The following TBCK variants were observed in gnomAD, a reference collection of about 807,000 sequenced individuals.
The protein encoded by TBCK is TBC1 domain containing kinase.
In TBCK, 99 loss-of-function variants were observed where a neutral mutation model predicts 113.4. The observed-to-expected ratio is 0.87, with a 90% CI of 0.74 to 1.03. The LOEUF is 1.03. Among genes scored for constraint, TBCK ranks in the 50% least tolerant of loss-of-function variants. The pLI is 0.00. For synonymous variants in TBCK, 369 were observed against 370.8 expected (o/e 1.00, Z 0.05); for missense variants, 1,045 against 1,061.3 (o/e 0.98, Z 0.21).
At chr4:106,217,074 A>C (rs1757035776) in intron 19 of TBCK, among the ~76,000 whole-genome samples, 1 of 151,670 alleles carries the variant, frequency 6.6e-6, no homozygotes. Flanking sequence ...TACACAAATC[A>C]ATAAATGTAA....
chr4:106,097,364 G>C (rs1741048220), intron 24 of TBCK, among the ~76,000 whole-genome samples: 1 of 152,030 alleles, frequency 6.6e-6, no homozygotes, highest in Admixed American at 6.6e-5. Context: ...TAATATCTAA[G>C]AACACTCATC....
chr4:106,206,504 T>C (rs1035768866), intron 20 of TBCK, among the ~76,000 whole-genome samples: 20 of 152,118 alleles, frequency 1.3e-4, no homozygotes, highest in Admixed American at 9.2e-4. Flanking sequence ...GTTGGGGACA[T>C]AGCAGCTACC....
rs576099424 is a variant in TBCK at position 106,100,656 on chromosome 4, T to A, written c.2412-5015A>T. Among the ~76,000 whole-genome samples the A allele has an allele frequency of 8.5e-5, 13 of 152,298 alleles. No individual in the cohort carries two copies. The East Asian group carries it at 2.5e-3, about 29-fold the overall frequency. On this transcript the variant is annotated intron_variant, in intron 24 of 25. Coordinates refer to ENST00000394708, the MANE Select transcript of TBCK (RefSeq NM_001163435.3). ...ACCCTCATCCATCCTCTACAATGCA[T>A]TAAAGTAATTTTTCTGAAATAAAAA...
chr4:106,205,030 G>A (rs1755308081), intron 20 of TBCK, among the ~76,000 whole-genome samples: 2 of 151,986 alleles, frequency 1.3e-5, no homozygotes, highest in Admixed American at 6.5e-5. Context: ...CTCCCAAAGT[G>A]CTGGGATTAC....
chr4:106,299,176 A>G (rs1391058971), intron 2 of TBCK, among the ~76,000 whole-genome samples: 2 of 152,176 alleles, frequency 1.3e-5, no homozygotes, highest in African/African-American at 4.8e-5. Flanking sequence ...ACATATAGGC[A>G]TGTAATATAA....
intron 25 of TBCK, among the ~76,000 whole-genome samples, chr4:106,090,571 T>A (rs1040653557): frequency 6.6e-6 from 1 of 152,222 alleles, no homozygotes; most frequent in African/African-American, 2.4e-5. Context: ...TTTCCAAATT[T>A]TTATGCTCTG....
At chr4:106,107,601 A>G (rs1344639246) in intron 24 of TBCK, among the ~76,000 whole-genome samples, 1 of 152,234 alleles carries the variant, frequency 6.6e-6, no homozygotes, top group Non-Finnish European at 1.5e-5. Flanking sequence ...CAAAGATACA[A>G]CATACCAGAA....
intron 19 of TBCK, among the ~76,000 whole-genome samples, chr4:106,226,872 G>C (rs889934272): frequency 7.9e-5 from 12 of 151,878 alleles, no homozygotes; most frequent in African/African-American, 2.9e-4. Flanking sequence ...AGTAAGAATG[G>C]GGCACATCCC....
intron 23 of TBCK, among the ~76,000 whole-genome samples, chr4:106,147,924 G>A (rs985609832): frequency 6.6e-5 from 10 of 152,312 alleles, no homozygotes; most frequent in Admixed American, 5.9e-4. Context: ...TCTCAGCAAG[G>A]AACATCCCTG....
At chr4:106,094,266 T>C (rs963122195) in intron 25 of TBCK, among the ~76,000 whole-genome samples, 30 of 152,320 alleles carry the variant, frequency 2.0e-4, no homozygotes, top group African/African-American at 6.5e-4. Context: ...GTATGGGGTA[T>C]GTGCAGGTGG....
intron 5 of TBCK, chr4:106,255,135 C>A: frequency 5.4e-6 from 1 of 186,162 alleles, no homozygotes; most frequent in South Asian, 7.4e-5. Context: ...AATCTATAAA[C>A]ATGATATCTC....
At chr4:106,051,233 C>T (rs1031622905) in intron 25 of TBCK, among the ~76,000 whole-genome samples, 1 of 151,850 alleles carries the variant, frequency 6.6e-6, no homozygotes, top group Non-Finnish European at 1.5e-5. Flanking sequence ...GGGAATAACT[C>T]ACAGTAGCAG....
chr4:106,126,532 A>G (rs1331248779), intron 23 of TBCK, among the ~76,000 whole-genome samples: 1 of 152,160 alleles, frequency 6.6e-6, no homozygotes, highest in Non-Finnish European at 1.5e-5. Flanking sequence ...GATATTGTCT[A>G]TTTCTCCACT....
At chr4:106,075,900 A>G (rs1212542269) in intron 25 of TBCK, among the ~76,000 whole-genome samples, 2 of 152,236 alleles carry the variant, frequency 1.3e-5, no homozygotes, top group African/African-American at 2.4e-5. Flanking sequence ...GAACACTGTG[A>G]TCTGTGAAAG....
intron 23 of TBCK, among the ~76,000 whole-genome samples, chr4:106,118,100 T>A (rs979927309): frequency 6.6e-6 from 1 of 152,282 alleles, no homozygotes. Flanking sequence ...TTATGTTTCA[T>A]AAGTTATCAA....
At chr4:106,255,435 C>T (rs1204730103) in intron 5 of TBCK, among the ~76,000 whole-genome samples, 1 of 152,212 alleles carries the variant, frequency 6.6e-6, no homozygotes, top group Non-Finnish European at 1.5e-5. Flanking sequence ...CTGTGCACAG[C>T]CAGGCACACT....
At chr4:106,193,228 T>C (rs1245139823) in intron 22 of TBCK, among the ~76,000 whole-genome samples, 1 of 152,198 alleles carries the variant, frequency 6.6e-6, no homozygotes, top group African/African-American at 2.4e-5. Context: ...GTTTTGTGAA[T>C]TGTATCTTTT....
At chr4:106,276,103 C>T (rs1763998774) in intron 3 of TBCK, among the ~76,000 whole-genome samples, 1 of 152,064 alleles carries the variant, frequency 6.6e-6, no homozygotes. Context: ...AAAGCTCAGA[C>T]ACAGATCTAT....
At chr4:106,307,752 T>C (rs1767681316) in intron 2 of TBCK, among the ~76,000 whole-genome samples, 1 of 152,256 alleles carries the variant, frequency 6.6e-6, no homozygotes. Context: ...AATGCAACCT[T>C]ACCCTGCAAT....
Sources: allele counts gnomAD v4.1 joint callset (sites outside exome capture counted in the v4.1 genomes callset), GRCh38; gene constraint gnomAD v4.1.1; transcripts MANE v1.5; gene names NCBI Gene and HGNC (gene_info 2026-07-23, HGNC 2026-07-21).